DPEP2: variants seen among roughly 807,000 people sequenced by gnomAD.
DPEP2 encodes the protein dipeptidase 2.
A neutral mutation model predicts 51.8 loss-of-function variants in DPEP2; 45 were observed. The observed-to-expected ratio is 0.87, with a 90% confidence interval of 0.68 to 1.11. The LOEUF (loss-of-function observed/expected upper bound fraction) is 1.11. Ranked by LOEUF, DPEP2 falls within the 50% of genes most tolerant of loss-of-function variation. The pLI is 0.00. For synonymous variants in DPEP2, 255 were observed against 262.7 expected, an observed-to-expected ratio of 0.97 and a Z score of 0.28; for missense variants, 604 against 631.9, an observed-to-expected ratio of 0.96 and a Z score of 0.47.
intron 2 of DPEP2, 148 bp from the exon 3 acceptor site, chr16:67,992,784 C>A: frequency 6.7e-7 from 1 of 1,488,346 alleles, no homozygotes; most frequent in East Asian, 2.4e-5. Flanking sequence ...TAGGAGTGCC[C>A]ACCCAAGAGG....
chr16:67,988,137 T>G (rs2031643956), intron 9 of DPEP2, 150 bp from the exon 10 acceptor site: 2 of 924,632 alleles, frequency 2.2e-6, no homozygotes, highest in African/African-American at 3.3e-5. Flanking sequence ...TCTTTATCCT[T>G]CAGAAGGAGG....
At chr16:67,993,551 G>T in intron 1 of DPEP2, 1 of 1,061,078 alleles carries the variant, frequency 9.4e-7, no homozygotes, top group Non-Finnish European at 1.1e-6. Context: ...CCAGGGGGCC[G>T]ACCCAGGTGG....
At chr16:68,000,344 G>A (rs2032949713), upstream of DPEP2, 3 of 712,022 alleles carry the variant, frequency 4.2e-6, no homozygotes, top group South Asian at 1.9e-4. Flanking sequence ...CATCTCCAGT[G>A]TATTTCAAGA....
chr16:67,989,450 G>A (rs777236110), intron 8 of DPEP2, 52 bp from the exon 9 acceptor site: 2 of 1,588,892 alleles, frequency 1.3e-6, no homozygotes, highest in Middle Eastern at 1.7e-4. Context: ...CAGGGCAGGG[G>A]TGCCACTGGG....
At chr16:67,997,002 T>TTGA (rs779202648) in intron 1 of DPEP2, among the ~76,000 whole-genome samples, 1 of 49,682 alleles carries the variant, frequency 2.0e-5, no homozygotes, top group Non-Finnish European at 3.8e-5. Context: ...GATAATGATA[T>TTGA]TATTATTATT....
chr16:67,993,580 G>GCT, intron 1 of DPEP2: 7 of 1,022,320 alleles, frequency 6.8e-6, no homozygotes, highest in Non-Finnish European at 7.0e-6. Flanking sequence ...CTGCCCCTAG[G>GCT]CTCTCTCTCT....
intron 8 of DPEP2, 87 bp from the exon 9 acceptor site, chr16:67,989,485 T>C: frequency 7.2e-7 from 1 of 1,398,440 alleles, no homozygotes; most frequent in Non-Finnish European, 1.0e-6. Context: ...AGTCTCCTTC[T>C]TGCAGCCTGT....
At chr16:67,992,388 C>G in intron 3 of DPEP2, 122 bp downstream of exon 3, 1 of 1,484,662 alleles carries the variant, frequency 6.7e-7, no homozygotes. Flanking sequence ...CATATCATGA[C>G]ACTTTTTGGG....
At chr16:67,996,133 G>T (rs2032677864) in intron 1 of DPEP2, among the ~76,000 whole-genome samples, 1 of 151,686 alleles carries the variant, frequency 6.6e-6, no homozygotes, top group Non-Finnish European at 1.5e-5. Context: ...TAACCTCTCA[G>T]GTTCAATCAA....
intron 1 of DPEP2, among the ~76,000 whole-genome samples, chr16:67,998,823 A>G (rs1274831065): frequency 6.6e-6 from 1 of 152,216 alleles, no homozygotes; most frequent in Non-Finnish European, 1.5e-5. Flanking sequence ...GCACCAACTG[A>G]CACTCTGTAT....
Position 67,993,055 on chromosome 16 carries a change from G to C in DPEP2, c.158C>G (p.Thr53Ser). The C allele has an allele frequency of 6.3e-7, 1 of 1,580,184 alleles. No homozygotes were observed. The highest frequency in any genetic ancestry group is 2.3e-5 in the East Asian group (1 of 43,058). Reference sequence around the variant, plus strand: ...CGAGGGAGCGTAGGTGCCCGGCATGGTGTGGGCTCTGGGGGCGCCCAGCGT... The same window carrying C: ...CGAGGGAGCGTAGGTGCCCGGCATGCTGTGGGCTCTGGGGGCGCCCAGCGT... ...LTTLGAPRAHTMPGTYAPSTT... is the reference protein window; with the variant it reads ...LTTLGAPRAHSMPGTYAPSTT... The change falls in exon 2 of 11, where the codon ACC (threonine) becomes AGC (serine). Residue 53 changes from threonine to serine, a missense_variant. Physicochemically the swap from Thr to Ser is moderately conservative, Grantham distance 58 (BLOSUM62 1). Transcript: ENST00000393847.
chr16:67,989,383 A>G lies in DPEP2; in HGVS notation c.1010T>C (p.Ile337Thr), dbSNP rs2031837569. The change falls in exon 9 of 11, where the codon ATC becomes ACC. Residue 337 changes from isoleucine (I) to threonine (T), a missense_variant. Transcript: ENST00000393847. ...VSTVADHFDHIKAVIGSKFIG... is the reference protein window; with the variant it reads ...VSTVADHFDHTKAVIGSKFIG... ...GAACTTGGATCCAATGACAGCCTTG[A>G]TGTGGTCGAAGTGATCTGGGGAGGG... The G allele has an allele frequency of 2.5e-6, 4 of 1,614,112 alleles. No homozygotes were observed. The highest frequency in any genetic ancestry group is 3.4e-6 in the Non-Finnish European group (4 of 1,180,010).
In DPEP2 at chr16:67,993,153, C is replaced by G. The variant is rs773543309; in HGVS notation, c.60G>C (p.Leu20=). Residue 20 remains leucine, a synonymous_variant, in exon 2 of 11, where the codon CTG becomes CTC. Coordinates refer to ENST00000393847, the MANE Select transcript of DPEP2 (RefSeq NM_022355.4). Reference sequence around the variant, plus strand: ...GCTGGAGCAGCAGCAGCAGGAGCAGCAGACTCAGCAGAGGCCACCGACCAA... The same window carrying G: ...GCTGGAGCAGCAGCAGCAGGAGCAGGAGACTCAGCAGAGGCCACCGACCAA... The part of the protein sequence containing the change: ...GTFGRWPLLS[L]LLLLLLLQPV... The G allele has an allele frequency of 2.5e-5, 38 of 1,526,710 alleles. 1 individual carries two copies. In the South Asian group the frequency reaches 4.7e-4, roughly 19 times the overall value. The allele number at this position is 1,526,710 out of a possible 1,614,324, so 94.6% of individuals were successfully genotyped here.
chr16:68,000,478 A>T, upstream of DPEP2: 2 of 985,414 alleles, frequency 2.0e-6, no homozygotes, highest in Non-Finnish European at 2.4e-6. Context: ...GATGATGATC[A>T]TCTGCATCCA....
rs1325310672 is a variant in DPEP2 at position 67,991,069 on chromosome 16, G to A, written c.732+46C>T. On this transcript the variant is annotated intron_variant, in intron 6 of 10. Transcript: ENST00000393847. The surrounding 1 kb of genome is among the most constrained non-coding windows in gnomAD (Gnocchi z 5.1). ...TACATTTATTTGTAAGAAACAGCTG[G>A]GGTGTGCACATTTGTTTGGGGTGGA... 6.2e-7 allele frequency: 1 copy of A among 1,614,030 alleles called. No individual in the cohort carries two copies. The highest frequency in any genetic ancestry group is 1.1e-5 in the South Asian group (1 of 91,088).
Position 67,992,123 on chromosome 16 carries a change from T to A in DPEP2, c.461A>T (p.Asp154Val), listed in dbSNP as rs2032244357. Residue 154 changes from aspartate to valine, a missense_variant, in exon 4 of 11, where the codon GAC becomes GTC. Asp to Val is a radical substitution (Grantham distance 152). Coordinates refer to ENST00000393847, the MANE Select transcript of DPEP2 (RefSeq NM_022355.4). ...DALRLTLEQIDLIRRMCASYS... is the reference protein window; with the variant it reads ...DALRLTLEQIVLIRRMCASYS... ...GGAGGCACACATGCGGCGTATGAGG[T>A]CAATCTGCTCCAGGGTGAGGCGCAG... 1.2e-6 allele frequency: 2 copies of A among 1,614,070 alleles called. No individual in the cohort carries two copies. Among genetic ancestry groups the A allele is most frequent in the Non-Finnish European group, 1.7e-6 (2 of 1,180,006 alleles).
intron 9 of DPEP2, 61 bp downstream of exon 9, chr16:67,989,262 G>T: frequency 1.3e-6 from 2 of 1,577,552 alleles, no homozygotes; most frequent in South Asian, 1.1e-5. Flanking sequence ...TGGCTATGGT[G>T]ACCGTGAAGG....
At position 67,992,133 on chromosome 16, in the gene DPEP2, C is replaced by A; in HGVS notation, c.451G>T (p.Glu151Ter). 1 of 1,614,180 alleles carries A rather than the reference C, an allele frequency of 6.2e-7. No homozygotes were observed. The highest frequency in any genetic ancestry group is 8.5e-7 in the Non-Finnish European group (1 of 1,180,030). The part of the protein sequence containing the change: ...QDRDALRLTL[E>*]QIDLIRRMCA... ...ATGCGGCGTATGAGGTCAATCTGCTCCAGGGTGAGGCGCAGGGCATCCCGG... is the reference window on the plus strand; with the variant it reads ...ATGCGGCGTATGAGGTCAATCTGCTACAGGGTGAGGCGCAGGGCATCCCGG... The change falls in exon 4 of 11, where the codon GAG (glutamate) becomes TAG (stop). Residue 151 changes from glutamate (E) to a stop codon, truncating the protein, a stop_gained. Transcript: ENST00000393847. LOFTEE classifies it high-confidence loss of function.
Position 67,991,930 on chromosome 16 carries a change from G to T in DPEP2, c.570C>A (p.Gly190=). The T allele has an allele frequency of 6.2e-7, 1 of 1,614,152 alleles. No homozygotes were observed. The change falls in exon 5 of 11, where the codon GGC becomes GGA. Residue 190 remains glycine (G), a synonymous_variant. Transcript: ENST00000393847. The surrounding 1 kb of genome is among the most constrained non-coding windows in gnomAD (Gnocchi z 5.1). Reference sequence around the variant, plus strand: ...TGGAGAGGCTATTGTCCAGCGAGTGGCCACCCTCTACACCGATGAGGCAGG... The same window carrying T: ...TGGAGAGGCTATTGTCCAGCGAGTGTCCACCCTCTACACCGATGAGGCAGG... ...KLACLIGVEG[G]HSLDNSLSIL...
Sources: allele counts gnomAD v4.1 joint callset (sites outside exome capture counted in the v4.1 genomes callset), GRCh38; gene constraint gnomAD v4.1.1; non-coding constraint Gnocchi (gnomAD v3.1); transcripts MANE v1.5; gene names NCBI Gene and HGNC (gene_info 2026-07-23, HGNC 2026-07-21).